The following TENM2 variants were observed in gnomAD, a reference collection of about 807,000 sequenced individuals.
The protein encoded by TENM2 is teneurin-2.
TENM2 carries 52 observed loss-of-function variants against 245.2 expected under a neutral mutation model. That is an observed-to-expected ratio of 0.21 (90% CI 0.17 to 0.27). TENM2 has a LOEUF of 0.27. Ranked by LOEUF, TENM2 falls within the 10% of genes least tolerant of loss-of-function variation. TENM2 has a pLI of 1.00. For synonymous variants in TENM2, 1,363 were observed against 1,438.9 expected, an observed-to-expected ratio of 0.95 and a Z score of 1.19; for missense variants, 3,046 against 3,666.8, an observed-to-expected ratio of 0.83 and a Z score of 4.37.
chr5:167,366,536 A>G (rs552579492), intron 1 of TENM2, among the ~76,000 whole-genome samples: 1 of 152,248 alleles, frequency 6.6e-6, no homozygotes, highest in Admixed American at 6.5e-5. Flanking sequence ...TGTCCCTTTT[A>G]TAAATGAAGT....
intron 3 of TENM2, among the ~76,000 whole-genome samples, chr5:167,885,509 T>G (rs1216125289): frequency 6.6e-6 from 1 of 152,070 alleles, no homozygotes; most frequent in East Asian, 1.9e-4. Context: ...CTACTGAACA[T>G]AAACAATTTT....
the TENM2 span, among the ~76,000 whole-genome samples, chr5:167,043,613 G>A: frequency 6.6e-6 from 1 of 152,294 alleles, no homozygotes; most frequent in East Asian, 1.9e-4. Flanking sequence ...AGCTGAAGAG[G>A]AAAGTGGTGG....
At chr5:167,845,985 A>G (rs1469751713) in intron 2 of TENM2, among the ~76,000 whole-genome samples, 1 of 152,060 alleles carries the variant, frequency 6.6e-6, no homozygotes, top group African/African-American at 2.4e-5. Context: ...TTCCAGCCTC[A>G]TCCTTCACCC....
chr5:167,808,636 T>C (rs1220025120), intron 2 of TENM2, among the ~76,000 whole-genome samples: 1 of 152,184 alleles, frequency 6.6e-6, no homozygotes, highest in South Asian at 2.1e-4. Context: ...CTATTACCTT[T>C]ATTGTAAGAG....
chr5:167,501,560 C>G (rs933574284), intron 2 of TENM2, among the ~76,000 whole-genome samples: 1 of 150,608 alleles, frequency 6.6e-6, no homozygotes, highest in Non-Finnish European at 1.5e-5. Flanking sequence ...ACTTCTCCCT[C>G]CCTGTCCCCA....
At chr5:167,437,307 T>A (rs1430821580) in intron 2 of TENM2, among the ~76,000 whole-genome samples, 4 of 152,224 alleles carry the variant, frequency 2.6e-5, no homozygotes, top group Non-Finnish European at 5.9e-5. Context: ...CTGCCAGATT[T>A]CGGACTTGCA....
intron 3 of TENM2, among the ~76,000 whole-genome samples, chr5:167,877,780 G>A (rs1773551362): frequency 6.6e-6 from 1 of 152,108 alleles, no homozygotes; most frequent in Non-Finnish European, 1.5e-5. Context: ...AAAAATATGT[G>A]GAAATATATT....
chr5:168,112,394 G>A (rs1794731552), intron 9 of TENM2, among the ~76,000 whole-genome samples: 1 of 151,900 alleles, frequency 6.6e-6, no homozygotes, highest in African/African-American at 2.4e-5. Flanking sequence ...CCCTCCAGAA[G>A]GTCCCAGTAT....
At chr5:168,108,585 T>A (rs1411230481) in intron 9 of TENM2, among the ~76,000 whole-genome samples, 1 of 152,192 alleles carries the variant, frequency 6.6e-6, no homozygotes, top group Admixed American at 6.5e-5. Context: ...ATTCCTATTT[T>A]ACAGTAAAAG....
chr5:168,030,158 C>CTTTTTTTTTTTTTTTTTTTTTTTTT lies in TENM2; in HGVS notation c.1187-17264_1187-17240dup, dbSNP rs540326142. Among the ~76,000 whole-genome samples the CTTTTTTTTTTTTTTTTTTTTTTTTT allele has an allele frequency of 1.7e-4, 11 of 65,288 alleles. 1 individual carries two copies. The highest frequency in any genetic ancestry group is 0.012 in the Middle Eastern group (1 of 84). 42.8% of individuals were successfully genotyped at this position (65,288 alleles called of 152,430 possible). A position where few individuals can be genotyped will look rare whatever the true frequency, so the allele number is the denominator to read the frequency against. ...CTTTGGCCCAAGTCTGGTTCTGGCT[C>CTTTTTTTTTTTTTTTTTTTTTTTTT]TTTTTTTTTTTTTTTTTTTTTTTTT... On this transcript the variant is annotated intron_variant, in intron 5 of 28. Coordinates refer to ENST00000518659, the Ensembl canonical transcript of TENM2.
the TENM2 span, among the ~76,000 whole-genome samples, chr5:167,054,093 C>T: frequency 3.9e-5 from 6 of 152,134 alleles, no homozygotes; most frequent in Admixed American, 2.6e-4. Context: ...TGGTGTTGCA[C>T]GTTACGTGGG....
At chr5:167,831,236 A>G (rs971050609) in intron 2 of TENM2, among the ~76,000 whole-genome samples, 3 of 152,164 alleles carry the variant, frequency 2.0e-5, no homozygotes, top group African/African-American at 7.2e-5. Flanking sequence ...CAGGTCTGTG[A>G]GTATGAGTTT....
chr5:167,257,637 G>A, the TENM2 span, among the ~76,000 whole-genome samples: 1 of 151,686 alleles, frequency 6.6e-6, no homozygotes, highest in East Asian at 1.9e-4. Context: ...AGAAAAATAT[G>A]AAAATTAAGC....
chr5:167,889,760 G>A (rs1250116718), intron 3 of TENM2, among the ~76,000 whole-genome samples: 1 of 152,044 alleles, frequency 6.6e-6, no homozygotes, highest in Non-Finnish European at 1.5e-5. Flanking sequence ...GATAGGCTGG[G>A]ACACCACCTG....
At chr5:167,247,654 TA>T in the TENM2 span, among the ~76,000 whole-genome samples, 1 of 152,168 alleles carries the variant, frequency 6.6e-6, no homozygotes, top group African/African-American at 2.4e-5. Flanking sequence ...ATCTTCTAGT[TA>T]AAAAGAACAA....
Position 167,761,350 on chromosome 5 carries a change from C to G in TENM2, c.503-114636C>G, listed in dbSNP as rs1039528108. Among the ~76,000 whole-genome samples the G allele has an allele frequency of 3.3e-5, 5 of 152,244 alleles. No individual in the cohort carries two copies. The Middle Eastern group carries it at 0.01, about 311-fold the overall frequency. On this transcript the variant is annotated intron_variant, in intron 2 of 28. Transcript: ENST00000518659. Reference sequence around the variant, plus strand: ...AAACGTGTTTGTGTTATTCACTGATCTACCCCATCAACCCAGAATGCCGTC... The same window carrying G: ...AAACGTGTTTGTGTTATTCACTGATGTACCCCATCAACCCAGAATGCCGTC...
At chr5:168,162,796 G>A in intron 13 of TENM2, 39 bp downstream of exon 15, 1 of 1,604,354 alleles carries the variant, frequency 6.2e-7, no homozygotes, top group Non-Finnish European at 8.5e-7. Flanking sequence ...CCTAAGAGCA[G>A]AGCGTTGTCC....
chr5:167,555,493 C>G (rs1428035260), intron 2 of TENM2, among the ~76,000 whole-genome samples: 1 of 152,166 alleles, frequency 6.6e-6, no homozygotes, highest in Non-Finnish European at 1.5e-5. Context: ...TTATTGTCTT[C>G]TCCTCACTGT....
At chr5:167,914,184 G>A (rs1181242075) in intron 3 of TENM2, among the ~76,000 whole-genome samples, 1 of 152,110 alleles carries the variant, frequency 6.6e-6, no homozygotes, top group African/African-American at 2.4e-5. Context: ...AGTTTTCTAT[G>A]GCTGCTATGG....
Sources: gnomAD v4.1 joint callset for allele counts (sites outside exome capture counted in the v4.1 genomes callset) on GRCh38, gnomAD v4.1.1 for gene constraint, MANE v1.5 for transcripts, NCBI Gene and HGNC (gene_info 2026-07-23, HGNC 2026-07-21) for gene names.